PCDH15: variants seen among roughly 807,000 people sequenced by gnomAD.
The protein encoded by PCDH15 is protocadherin related 15, also known as protocadherin-15.
PCDH15 carries 129 observed loss-of-function variants against 178.5 expected under a neutral mutation model. That is an observed-to-expected ratio of 0.72 (90% CI 0.63 to 0.84). PCDH15 has a LOEUF of 0.84. PCDH15 is among the 40% of genes least tolerant of loss of function. The probability of loss-of-function intolerance (pLI) is 0.00; values close to 1 mark genes in which losing one functional copy is unlikely to be tolerated. For missense variants in PCDH15, 2,230 were observed against 2,099.9 expected, an observed-to-expected ratio of 1.06 and a Z score of -1.21; for synonymous variants, 800 against 732.0, an observed-to-expected ratio of 1.09 and a Z score of -1.50.
rs766479265 is a variant in PCDH15 at position 54,153,220 on chromosome 10, T to G, written c.1664A>C (p.Asp555Ala). The G allele has an allele frequency of 9.9e-6, 16 of 1,613,524 alleles. No individual in the cohort carries two copies. The highest frequency in any genetic ancestry group is 1.7e-5 in the Admixed American group (1 of 59,910). Residue 555 changes from aspartate to alanine, a missense_variant, in exon 14 of 38, where the codon GAC (aspartate) becomes GCC (alanine). Transcript: ENST00000644397. ...CCCTGTTGTTTTATTGATGATGAAG[T>G]CTCCCTGAGCCCCAACAAGGATTTC... ...TYEILVGAQG[D>A]FIINKTTGLI... is the part of the protein sequence containing the mutation.
At chr10:54,279,579 T>C (rs938029976) in intron 8 of PCDH15, among the ~76,000 whole-genome samples, 10 of 151,586 alleles carry the variant, frequency 6.6e-5, no homozygotes, top group African/African-American at 2.4e-4. Context: ...CCAAATATGA[T>C]AGAAGATGCT....
At chr10:54,475,254 G>A (rs2078197943) in intron 3 of PCDH15, among the ~76,000 whole-genome samples, 1 of 151,846 alleles carries the variant, frequency 6.6e-6, no homozygotes, top group East Asian at 1.9e-4. Flanking sequence ...GCACTGTATG[G>A]AAGTTGCAAA....
intron 2 of PCDH15, among the ~76,000 whole-genome samples, chr10:55,125,643 A>G (rs964295985): frequency 6.6e-6 from 1 of 152,084 alleles, no homozygotes; most frequent in Non-Finnish European, 1.5e-5. Flanking sequence ...CGAGAGAAAA[A>G]AAGCAAAATC....
intron 1 of PCDH15, among the ~76,000 whole-genome samples, chr10:54,789,160 A>G (rs1047853365): frequency 3.9e-5 from 6 of 151,962 alleles, no homozygotes; most frequent in Admixed American, 3.9e-4. Flanking sequence ...ATAACATAAC[A>G]TTTATAAGAA....
rs574219358 is a variant in PCDH15, at chr10:54,824,331, C to T, written c.-29+73119G>A. Among the ~76,000 whole-genome samples the T allele has an allele frequency of 2.9e-4, 44 of 151,984 alleles. No homozygotes were observed. The South Asian group carries it at 8.8e-3, about 30-fold the overall frequency. ...CCAGAAGTAAAAGTCCTTGTTTGAC[C>T]CAAGTTACTGTCGGTTTCACAACTC... On this transcript the variant is annotated intron_variant, in intron 3 of 5. Coordinates refer to the PCDH15 transcript ENST00000458638.
In PCDH15 at chr10:55,222,730, CATATATATATATATAT is replaced by C. The variant is rs142618720; in HGVS notation, c.-155-56095_-155-56080del. On this transcript the variant is annotated intron_variant, in intron 1 of 5. Transcript: ENST00000458638. ...CTTTATACACACACACACACACACACATATATATATATATATATATATATATATATATATATATGTA... is the reference window on the plus strand; with the variant it reads ...CTTTATACACACACACACACACACACATATATATATATATATATATATGTA... Among the ~76,000 whole-genome samples, 640 of 121,278 alleles carry C rather than the reference CATATATATATATATAT, an allele frequency of 5.3e-3. 15 individuals carry two copies. The highest frequency in any genetic ancestry group is 0.029 in the Middle Eastern group (7 of 242). The allele number at this position is 121,278 out of a possible 152,430, so 79.6% of individuals were successfully genotyped here.
At chr10:54,830,785 G>GA (rs1350204883) in intron 3 of PCDH15, among the ~76,000 whole-genome samples, 1 of 150,324 alleles carries the variant, frequency 6.7e-6, no homozygotes, top group Non-Finnish European at 1.5e-5. Context: ...AAAAAAAGAA[G>GA]AAAAAATGTT....
chr10:54,424,855 G>A (rs1406030538), intron 3 of PCDH15, among the ~76,000 whole-genome samples: 2 of 120,506 alleles, frequency 1.7e-5, no homozygotes, highest in Admixed American at 9.4e-5. Flanking sequence ...ACTGGGGCCC[G>A]TCAAGCGGTG....
chr10:54,169,599 C>T (rs1012076190), intron 13 of PCDH15, among the ~76,000 whole-genome samples: 2 of 149,660 alleles, frequency 1.3e-5, no homozygotes, highest in Admixed American at 1.3e-4. Context: ...TCTTCCCAAT[C>T]CAAAGCCTCC....
At chr10:54,442,487 A>G (rs1375968671) in intron 3 of PCDH15, among the ~76,000 whole-genome samples, 1 of 108,544 alleles carries the variant, frequency 9.2e-6, no homozygotes, top group African/African-American at 3.4e-5. Context: ...AATAAATACT[A>G]TTTTGTTTTT....
At chr10:55,028,067 C>A (rs1447857043) in intron 2 of PCDH15, among the ~76,000 whole-genome samples, 1 of 151,862 alleles carries the variant, frequency 6.6e-6, no homozygotes, top group East Asian at 1.9e-4. Context: ...AGTAATTGAA[C>A]TCATGTATTG....
chr10:53,934,141 G>A (rs1054731859), intron 25 of PCDH15, among the ~76,000 whole-genome samples: 1 of 152,102 alleles, frequency 6.6e-6, no homozygotes. Context: ...AGAGATGAGC[G>A]AGAAAATGAT....
At chr10:55,459,422 T>G (rs1489547047) in intron 2 of PCDH15, among the ~76,000 whole-genome samples, 1 of 152,058 alleles carries the variant, frequency 6.6e-6, no homozygotes, top group African/African-American at 2.4e-5. Flanking sequence ...TAGGCTGTAG[T>G]GCTAAGCAGA....
At position 53,805,735 on chromosome 10, in the gene PCDH15, T is replaced by TATG. The variant is rs1380387948; in HGVS notation, c.*841_*843dup. On this transcript the variant is annotated 3_prime_UTR_variant, in exon 38 of 38. Coordinates refer to ENST00000644397, the MANE Select transcript of PCDH15 (RefSeq NM_001384140.1). ...TCCCTAACCTCACCATGTCTTCCAT[T>TATG]ATGAAATTGTCGTTCTAGATGCATT... 2 of 152,110 alleles carry TATG rather than the reference T, an allele frequency of 1.3e-5. No homozygotes were observed. Among genetic ancestry groups the TATG allele is most frequent in the East Asian group, 1.9e-4 (1 of 5,184 alleles). 9.4% of individuals were successfully genotyped at this position (152,110 alleles called of 1,614,324 possible).
intron 2 of PCDH15, among the ~76,000 whole-genome samples, chr10:54,624,658 T>C (rs540095825): frequency 1.2e-4 from 19 of 152,220 alleles, no homozygotes; most frequent in African/African-American, 4.3e-4. Flanking sequence ...GAATGGTGAG[T>C]GAGCAAGTCT....
At chr10:54,072,434 C>A (rs984266199) in intron 17 of PCDH15, among the ~76,000 whole-genome samples, 3 of 152,000 alleles carry the variant, frequency 2.0e-5, no homozygotes, top group Non-Finnish European at 4.4e-5. Flanking sequence ...AGCCAGGAGG[C>A]TTTCTTTCCT....
chr10:54,898,878 A>G (rs1221451700), intron 2 of PCDH15, among the ~76,000 whole-genome samples: 1 of 152,214 alleles, frequency 6.6e-6, no homozygotes, highest in African/African-American at 2.4e-5. Context: ...ATATTTGTTA[A>G]TGCTAAGTGT....
intron 2 of PCDH15, among the ~76,000 whole-genome samples, chr10:55,113,612 A>G (rs1044021425): frequency 2.0e-5 from 3 of 152,048 alleles, no homozygotes; most frequent in Non-Finnish European, 2.9e-5. Context: ...CTCCACTTCC[A>G]CTGGAGACTC....
chr10:54,024,889 C>G (rs903885272), intron 18 of PCDH15, among the ~76,000 whole-genome samples: 2 of 151,990 alleles, frequency 1.3e-5, no homozygotes, highest in Non-Finnish European at 1.5e-5. Context: ...TCTGAAATTA[C>G]TCATCAAGTA....
Sources: allele counts gnomAD v4.1 joint callset (sites outside exome capture counted in the v4.1 genomes callset), GRCh38; gene constraint gnomAD v4.1.1; transcripts MANE v1.5; gene names NCBI Gene and HGNC (gene_info 2026-07-23, HGNC 2026-07-21).